Variants in NSG1 observed in about 807,000 individuals in gnomAD.
The protein encoded by NSG1 is neuronal vesicle trafficking-associated protein 1.
NSG1 carries 9 observed loss-of-function variants against 19.3 expected under a neutral mutation model. That is an observed-to-expected ratio of 0.47 (90% CI 0.28 to 0.81). The LOEUF (loss-of-function observed/expected upper bound fraction) is 0.81, where lower values mean the gene tolerates loss of function less well. NSG1 is among the 40% of genes least tolerant of loss of function. NSG1 has a pLI of 0.11. For synonymous variants in NSG1, 104 were observed against 107.0 expected (o/e 0.97, Z 0.17); for missense variants, 236 against 242.4 (o/e 0.97, Z 0.18).
chr4:4,386,604 C>G (rs905395855), upstream of NSG1: 1 of 153,140 alleles, frequency 6.5e-6, no homozygotes, highest in Non-Finnish European at 1.5e-5. Context: ...GCCTCCTGGA[C>G]CCATCCCCCC....
intron 4 of NSG1, chr4:4,416,101 T>C: frequency 2.9e-6 from 2 of 696,824 alleles, no homozygotes; most frequent in Non-Finnish European, 5.3e-6. Flanking sequence ...CCACTGTGCA[T>C]TGACTTGAGT....
intron 3 of NSG1, among the ~76,000 whole-genome samples, chr4:4,409,318 C>T (rs1242426534): frequency 6.6e-6 from 1 of 152,282 alleles, no homozygotes; most frequent in Non-Finnish European, 1.5e-5. Flanking sequence ...GCTCTCTATG[C>T]AGGACCTTGG....
At chr4:4,395,630 C>T (rs1723213985) in intron 3 of NSG1, among the ~76,000 whole-genome samples, 1 of 152,152 alleles carries the variant, frequency 6.6e-6, no homozygotes, top group Non-Finnish European at 1.5e-5. Flanking sequence ...TTCACCCTCC[C>T]TGGCTTGTGT....
At chr4:4,398,738 G>A (rs148060512) in intron 3 of NSG1, among the ~76,000 whole-genome samples, 13 of 152,318 alleles carry the variant, frequency 8.5e-5, no homozygotes, top group African/African-American at 3.1e-4. Flanking sequence ...TGTGGGTAGC[G>A]CTGCTGTGAA....
At chr4:4,394,855 T>C (rs907717219) in intron 3 of NSG1, among the ~76,000 whole-genome samples, 2 of 152,172 alleles carry the variant, frequency 1.3e-5, no homozygotes, top group Non-Finnish European at 2.9e-5. Context: ...GGCAGCTCAT[T>C]GGATTGAAGC....
At chr4:4,391,645 C>A in intron 3 of NSG1, 54 bp downstream of exon 3, 1 of 1,244,978 alleles carries the variant, frequency 8.0e-7, no homozygotes, top group Non-Finnish European at 1.1e-6. Flanking sequence ...AAGGGGTCTG[C>A]TGAGCTGCAT....
In NSG1 at chr4:4,417,427, T is replaced by G; in HGVS notation, c.550T>G (p.Ser184Ala). ...SEQETEAAEK[S>A]A is the part of the protein sequence containing the mutation. ...GCAGGAGACTGAAGCGGCTGAGAAG[T>G]CAGCTTAGCGGGATGGGCAAGTTCC... The change falls in exon 5 of 5, where the codon TCA becomes GCA. Residue 184 changes from serine to alanine, a missense_variant. By Grantham distance (99) the Ser-to-Ala change is moderately conservative. Coordinates refer to ENST00000621129, the MANE Select transcript of NSG1 (RefSeq NM_014392.5). 1 of 1,614,214 alleles carries G rather than the reference T, an allele frequency of 6.2e-7. No individual in the cohort carries two copies. The highest frequency in any genetic ancestry group is 8.5e-7 in the Non-Finnish European group (1 of 1,180,032).
chr4:4,400,485 A>G (rs1232464198), intron 3 of NSG1, among the ~76,000 whole-genome samples: 1 of 152,260 alleles, frequency 6.6e-6, no homozygotes, highest in African/African-American at 2.4e-5. Flanking sequence ...AAACAAACAA[A>G]AAGACCTTTG....
Position 4,417,471 on chromosome 4 carries a change from A to T in NSG1, c.*36A>T, listed in dbSNP as rs1311642941. On this transcript the variant is annotated 3_prime_UTR_variant, in exon 5 of 5. Transcript: ENST00000621129. ...AAGTTCCTTACAATGTGTCACTTGCAAATAACAAAGGGACTTTGAGGGACA... is the reference window on the plus strand; with the variant it reads ...AAGTTCCTTACAATGTGTCACTTGCTAATAACAAAGGGACTTTGAGGGACA... 1 of 1,579,662 alleles carries T rather than the reference A, an allele frequency of 6.3e-7. No individual in the cohort carries two copies. Among genetic ancestry groups the T allele is most frequent in the Non-Finnish European group, 8.7e-7 (1 of 1,148,988 alleles).
At chr4:4,416,127 G>A (rs1560149552) in intron 4 of NSG1, 1 of 702,380 alleles carries the variant, frequency 1.4e-6, no homozygotes, top group Admixed American at 2.0e-5. Context: ...GCAACACGGT[G>A]GTGTGACTCA....
intron 3 of NSG1, among the ~76,000 whole-genome samples, chr4:4,405,699 C>A (rs1458935351): frequency 3.3e-5 from 5 of 152,212 alleles, no homozygotes; most frequent in African/African-American, 1.2e-4. Flanking sequence ...AGAGCTCAGC[C>A]TGTAGGGGAG....
intron 4 of NSG1, among the ~76,000 whole-genome samples, chr4:4,411,743 AAAAACAAAAC>A (rs56166051): frequency 0.025 from 3,446 of 140,394 alleles, 75 homozygotes; most frequent in Admixed American, 0.065. Flanking sequence ...GACTCCGTCT[AAAAACAAAAC>A]AAAACAAAAC....
intron 3 of NSG1, among the ~76,000 whole-genome samples, chr4:4,403,803 T>A (rs908364664): frequency 6.6e-6 from 1 of 152,214 alleles, no homozygotes; most frequent in Non-Finnish European, 1.5e-5. Flanking sequence ...AGACTTTAAA[T>A]GCTGACCAGA....
chr4:4,388,288 G>A (rs2108718491), intron 2 of NSG1, among the ~76,000 whole-genome samples: 1 of 152,306 alleles, frequency 6.6e-6, no homozygotes, highest in Admixed American at 6.5e-5. Flanking sequence ...GAGGGTGTGC[G>A]CGCTCACACA....
In NSG1 at chr4:4,409,613, G is replaced by A; in HGVS notation, c.287G>A (p.Cys96Tyr). The A allele has an allele frequency of 6.2e-7, 1 of 1,614,138 alleles. No homozygotes were observed. Among genetic ancestry groups the A allele is most frequent in the Non-Finnish European group, 8.5e-7 (1 of 1,180,030 alleles). ...CTCTTCGCCCTGGCCTTCCTCACCT[G>A]CGTCGTCTTCCTGGTTGTCTACAAG... ...LVLFALAFLT[C>Y]VVFLVVYKVY... Residue 96 changes from cysteine to tyrosine, a missense_variant, in exon 4 of 5, where the codon TGC becomes TAC. By Grantham distance (194) the Cys-to-Tyr change is radical. Transcript: ENST00000621129.
At chr4:4,414,726 G>A (rs1044353736) in intron 4 of NSG1, among the ~76,000 whole-genome samples, 3 of 152,074 alleles carry the variant, frequency 2.0e-5, no homozygotes, top group Non-Finnish European at 2.9e-5. Flanking sequence ...CCAAGGTCAC[G>A]CCCTTCAGTT....
chr4:4,392,651 A>T (rs2108726242), intron 3 of NSG1, among the ~76,000 whole-genome samples: 2 of 152,304 alleles, frequency 1.3e-5, no homozygotes, highest in Middle Eastern at 6.8e-3. Context: ...TCTGACTTTC[A>T]GTCCCTCCTT....
intron 4 of NSG1, chr4:4,416,150 T>C (rs1724524916): frequency 1.4e-6 from 1 of 702,322 alleles, no homozygotes; most frequent in Non-Finnish European, 2.6e-6. Context: ...GGCCGCATTT[T>C]ATAGGTGAGG....
chr4:4,414,601 G>A (rs901909520), intron 4 of NSG1, among the ~76,000 whole-genome samples: 2 of 152,226 alleles, frequency 1.3e-5, no homozygotes, highest in Non-Finnish European at 2.9e-5. Flanking sequence ...GGCAGCTTGT[G>A]TGGGACTTTT....
Sources: allele counts gnomAD v4.1 joint callset (sites outside exome capture counted in the v4.1 genomes callset), GRCh38; gene constraint gnomAD v4.1.1; transcripts MANE v1.5; gene names NCBI Gene and HGNC (gene_info 2026-07-23, HGNC 2026-07-21).